The following MTHFD1L variants were observed in gnomAD, a reference collection of about 807,000 sequenced individuals.
The protein encoded by MTHFD1L is monofunctional C1-tetrahydrofolate synthase, mitochondrial.
Under a neutral mutation model 119.5 loss-of-function variants are expected in MTHFD1L, and 81 were observed. The observed-to-expected ratio is 0.68, with a 90% CI of 0.57 to 0.82. The LOEUF (loss-of-function observed/expected upper bound fraction) is 0.82, where lower values mean the gene tolerates loss of function less well. Ranked by LOEUF, MTHFD1L falls within the 40% of genes least tolerant of loss-of-function variation. The pLI is 0.00. For missense variants in MTHFD1L, 1,125 were observed against 1,253.4 expected (o/e 0.90, Z 1.55); for synonymous variants, 430 against 475.2 (o/e 0.90, Z 1.24).
At chr6:150,885,772 T>C in intron 6 of MTHFD1L, 38 bp downstream of exon 6, 1 of 1,459,688 alleles carries the variant, frequency 6.9e-7, no homozygotes, top group Non-Finnish European at 9.6e-7. Context: ...GATTTCTATT[T>C]ATTGGTATTT....
chr6:150,990,721 C>A (rs1463082631), intron 20 of MTHFD1L, among the ~76,000 whole-genome samples: 2 of 152,186 alleles, frequency 1.3e-5, no homozygotes, highest in African/African-American at 4.8e-5. Context: ...CTTGGCCTTC[C>A]AACGTGCTGG....
chr6:150,978,531 G>A (rs1303744826), intron 20 of MTHFD1L, among the ~76,000 whole-genome samples: 1 of 152,038 alleles, frequency 6.6e-6, no homozygotes, highest in South Asian at 2.1e-4. Context: ...TAAAACACAG[G>A]GTGATCTTTG....
chr6:150,886,450 AAAAAAAAAG>A (rs1782305093), intron 6 of MTHFD1L, among the ~76,000 whole-genome samples: 1 of 151,140 alleles, frequency 6.6e-6, no homozygotes, highest in Non-Finnish European at 1.5e-5. Flanking sequence ...AAAAAAAAAA[AAAAAAAAAG>A]AGAAGAAGAA....
At chr6:150,980,871 T>C (rs1777388222) in intron 20 of MTHFD1L, among the ~76,000 whole-genome samples, 1 of 152,182 alleles carries the variant, frequency 6.6e-6, no homozygotes, top group Non-Finnish European at 1.5e-5. Flanking sequence ...TGTTTCTACT[T>C]TGACCACACA....
At chr6:151,071,837 ATTT>A (rs753092094) in intron 26 of MTHFD1L, among the ~76,000 whole-genome samples, 86 of 107,502 alleles carry the variant, frequency 8.0e-4, no homozygotes, top group African/African-American at 3.0e-3. Flanking sequence ...GTAAGTACAG[ATTT>A]TTTTTTTTTT....
chr6:150,945,287 T>A (rs772259997), intron 14 of MTHFD1L, among the ~76,000 whole-genome samples, 180 bp from the exon 15 acceptor site: 149 of 152,356 alleles, frequency 9.8e-4, no homozygotes, highest in Admixed American at 3.6e-3. Flanking sequence ...ATCTTGTCAG[T>A]TTTATGAAAA....
chr6:150,882,791 A>G lies in MTHFD1L; in HGVS notation c.447A>G (p.Glu149=), dbSNP rs1352750312. 1 of 1,546,418 alleles carries G rather than the reference A, an allele frequency of 6.5e-7. No homozygotes were observed. Among genetic ancestry groups the G allele is most frequent in the Non-Finnish European group, 8.7e-7 (1 of 1,155,454 alleles). The change falls in exon 5 of 28, where the codon GAA becomes GAG. Residue 149 remains glutamate (E), a synonymous_variant. Transcript: ENST00000367321. ...EIIDEILKIN[E]DTRVHGLALQ... is the part of the protein sequence containing the mutation. ...TAGATGAAATCTTAAAGATCAATGA[A>G]GATACCAGAGTACATGGCCTTGCCC... is the stretch of plus-strand genomic sequence containing the variant.
At chr6:150,971,441 C>T (rs781589605) in intron 19 of MTHFD1L, among the ~76,000 whole-genome samples, 12 of 152,270 alleles carry the variant, frequency 7.9e-5, no homozygotes, top group South Asian at 4.1e-4. Context: ...TCAGGCGATC[C>T]GCCCATCTTG....
At chr6:151,034,316 T>G (rs2128531977) in intron 24 of MTHFD1L, among the ~76,000 whole-genome samples, 177 bp from the exon 25 acceptor site, 1 of 152,184 alleles carries the variant, frequency 6.6e-6, no homozygotes, top group East Asian at 1.9e-4. Context: ...CACTGAAAAT[T>G]TCAGTGCTTT....
Position 151,050,830 on chromosome 6 carries a change from C to T in MTHFD1L, c.2847+13713C>T, listed in dbSNP as rs139417070. Among the ~76,000 whole-genome samples the T allele has an allele frequency of 2.5e-3, 383 of 152,206 alleles. 2 individuals are homozygous for T. The highest frequency in any genetic ancestry group is 0.014 in the Middle Eastern group (4 of 294). ...GGTTTGAGGAGAGCTTTTCCCAACA[C>T]GCTTATGTGTGCCAGTTTATTATAG... On this transcript the variant is annotated intron_variant, in intron 26 of 27. Transcript: ENST00000367321.
chr6:150,905,191 G>A (rs908494823), intron 7 of MTHFD1L, among the ~76,000 whole-genome samples: 1 of 151,660 alleles, frequency 6.6e-6, no homozygotes, highest in African/African-American at 2.4e-5. Context: ...CCACCAGCAC[G>A]CCTGGCTAAT....
chr6:151,098,504 G>T (rs1396342662), intron 27 of MTHFD1L, among the ~76,000 whole-genome samples: 1 of 152,164 alleles, frequency 6.6e-6, no homozygotes, highest in East Asian at 1.9e-4. Flanking sequence ...TTCCAAGTAG[G>T]ATGGAAGCTC....
At chr6:151,064,848 G>A (rs1410749942) in intron 26 of MTHFD1L, among the ~76,000 whole-genome samples, 1 of 151,198 alleles carries the variant, frequency 6.6e-6, no homozygotes, top group African/African-American at 2.4e-5. Context: ...TGTCACCCAG[G>A]CTGGAGTGCA....
intron 26 of MTHFD1L, among the ~76,000 whole-genome samples, chr6:151,038,497 T>C (rs1006202792): frequency 2.6e-5 from 4 of 151,868 alleles, no homozygotes; most frequent in Non-Finnish European, 5.9e-5. Context: ...GACCATCTCA[T>C]GGAACTTGAA....
chr6:151,082,463 G>T (rs546514682), intron 26 of MTHFD1L, among the ~76,000 whole-genome samples: 1 of 152,246 alleles, frequency 6.6e-6, no homozygotes, highest in Admixed American at 6.5e-5. Flanking sequence ...CCATAAATAA[G>T]AACTACAGAA....
intron 20 of MTHFD1L, among the ~76,000 whole-genome samples, chr6:150,976,116 C>A (rs1485402595): frequency 6.6e-6 from 1 of 152,172 alleles, no homozygotes; most frequent in Admixed American, 6.5e-5. Flanking sequence ...AGGAGAATCG[C>A]TTGAACCCCA....
At chr6:150,970,104 T>C (rs1797816695) in intron 19 of MTHFD1L, among the ~76,000 whole-genome samples, 2 of 152,154 alleles carry the variant, frequency 1.3e-5, no homozygotes, top group African/African-American at 4.8e-5. Flanking sequence ...TGGTTGTTAG[T>C]CTGGTAGGAG....
intron 15 of MTHFD1L, among the ~76,000 whole-genome samples, chr6:150,947,561 C>T (rs933487380): frequency 3.3e-5 from 5 of 151,876 alleles, no homozygotes; most frequent in Admixed American, 6.6e-5. Context: ...GCAAGACCCC[C>T]GTCTCTACAA....
At chr6:150,976,080 A>T in intron 20 of MTHFD1L, among the ~76,000 whole-genome samples, 1 of 152,138 alleles carries the variant, frequency 6.6e-6, no homozygotes, top group East Asian at 1.9e-4. Context: ...GCATGATGTA[A>T]TATCAGCTAC....
Sources: allele counts gnomAD v4.1 joint callset (sites outside exome capture counted in the v4.1 genomes callset), GRCh38; gene constraint gnomAD v4.1.1; transcripts MANE v1.5; gene names NCBI Gene and HGNC (gene_info 2026-07-23, HGNC 2026-07-21).